Variants in HMCN1 observed in about 807,000 individuals in gnomAD.
HMCN1 encodes the protein hemicentin-1.
A neutral mutation model predicts 625.9 loss-of-function variants in HMCN1; 321 were observed. The observed-to-expected ratio is 0.51, with a 90% CI of 0.47 to 0.56. The LOEUF (loss-of-function observed/expected upper bound fraction) is 0.56, where lower values mean the gene tolerates loss of function less well. Among genes scored for constraint, HMCN1 ranks in the 20% least tolerant of loss-of-function variants. The pLI is 0.00. For missense variants in HMCN1, 6,588 were observed against 6,887.3 expected (o/e 0.96, Z 1.54); for synonymous variants, 2,425 against 2,417.6 (o/e 1.00, Z -0.09).
intron 81 of HMCN1, 81 bp downstream of exon 81, chr1:186,123,301 G>A: frequency 1.3e-6 from 2 of 1,520,086 alleles, no homozygotes; most frequent in South Asian, 1.2e-5. Context: ...AAATCTGATG[G>A]AAGTCAAAAA....
chr1:185,777,484 G>A (rs781602933), intron 1 of HMCN1, among the ~76,000 whole-genome samples: 3 of 150,882 alleles, frequency 2.0e-5, no homozygotes, highest in South Asian at 2.1e-4. Flanking sequence ...ATGGAGTCTC[G>A]CTCTGTCGCC....
At chr1:186,173,790 T>G (rs575216254) in intron 102 of HMCN1, among the ~76,000 whole-genome samples, 1 of 152,226 alleles carries the variant, frequency 6.6e-6, no homozygotes, top group South Asian at 2.1e-4. Context: ...ATCAGAAACT[T>G]TTTAAGAAGC....
rs1258284562 is a variant in HMCN1, at chr1:186,007,223, A to G, written c.4571A>G (p.Gln1524Arg). 1 of 1,613,714 alleles carries G rather than the reference A, an allele frequency of 6.2e-7. No homozygotes were observed. Among genetic ancestry groups the G allele is most frequent in the Non-Finnish European group, 8.5e-7 (1 of 1,179,688 alleles). Residue 1524 changes from glutamine (Q) to arginine (R), a missense_variant, in exon 30 of 107, where the codon CAA becomes CGA. This residue lies in a region of HMCN1 where 4,628 missense variants were observed against 4,853.1 expected (regional missense o/e 0.95). Coordinates refer to ENST00000271588, the MANE Select transcript of HMCN1 (RefSeq NM_031935.3). ...NARRNDKGRY[Q>R]CTVSNAAGKQ... ...CGGAGAAATGACAAGGGGCGCTACC[A>G]ATGTACTGTGTCTAATGCAGCTGGC...
intron 86 of HMCN1, among the ~76,000 whole-genome samples, chr1:186,132,701 G>GGTTA (rs1199452137): frequency 6.6e-6 from 1 of 151,592 alleles, no homozygotes; most frequent in Non-Finnish European, 1.5e-5. Context: ...ACAACGTGCA[G>GGTTA]GTTAGTTACA....
chr1:185,786,622 G>A (rs1407429), intron 1 of HMCN1, among the ~76,000 whole-genome samples: 52,584 of 152,002 alleles, frequency 0.35, 10,493 homozygotes, highest in African/African-American at 0.54. Context: ...AGCTGCAAAT[G>A]CCCTCTTAAA....
intron 19 of HMCN1, among the ~76,000 whole-genome samples, chr1:185,985,902 T>C (rs1397186401): frequency 6.6e-6 from 1 of 152,206 alleles, no homozygotes; most frequent in Non-Finnish European, 1.5e-5. Context: ...TTAATTGTCA[T>C]ATTGGTTTAT....
At chr1:186,035,884 G>A (rs1335942836) in intron 36 of HMCN1, among the ~76,000 whole-genome samples, 1 of 151,946 alleles carries the variant, frequency 6.6e-6, no homozygotes, top group Non-Finnish European at 1.5e-5. Flanking sequence ...ATCTGCATGG[G>A]TACTTTTATT....
At chr1:185,818,559 A>T (rs893009053) in intron 1 of HMCN1, among the ~76,000 whole-genome samples, 1 of 152,196 alleles carries the variant, frequency 6.6e-6, no homozygotes, top group Non-Finnish European at 1.5e-5. Flanking sequence ...AACTGAATAT[A>T]GTTAATTCTT....
At chr1:185,799,195 T>C (rs1020763179) in intron 1 of HMCN1, among the ~76,000 whole-genome samples, 4 of 152,210 alleles carry the variant, frequency 2.6e-5, no homozygotes, top group Non-Finnish European at 5.9e-5. Flanking sequence ...GTAGTTGGGA[T>C]ATACTCTGCA....
intron 4 of HMCN1, among the ~76,000 whole-genome samples, chr1:185,869,531 GAGT>G (rs1663476589): frequency 1.3e-5 from 2 of 152,028 alleles, no homozygotes; most frequent in African/African-American, 4.8e-5. Context: ...AAATAAATCT[GAGT>G]AGAAGAATCC....
chr1:186,106,226 T>A (rs901282147), intron 69 of HMCN1, among the ~76,000 whole-genome samples: 4 of 152,194 alleles, frequency 2.6e-5, no homozygotes, highest in African/African-American at 9.6e-5. Context: ...ACCCTCTACA[T>A]GTACACGATC....
At chr1:185,892,601 G>A (rs1665183515) in intron 4 of HMCN1, among the ~76,000 whole-genome samples, 1 of 152,136 alleles carries the variant, frequency 6.6e-6, no homozygotes, top group Non-Finnish European at 1.5e-5. Flanking sequence ...CTGCTGGAGG[G>A]TGCCTCCCAG....
Position 185,828,178 on chromosome 1 carries a change from T to C in HMCN1, c.269-17848T>C. 1.3e-5 allele frequency among the ~76,000 whole-genome samples: 2 copies of C among 152,076 alleles called. 1 individual carries two copies. Among genetic ancestry groups the C allele is most frequent in the Non-Finnish European group, 2.9e-5 (2 of 67,980 alleles). On this transcript the variant is annotated intron_variant, in intron 1 of 106. Coordinates refer to ENST00000271588, the MANE Select transcript of HMCN1 (RefSeq NM_031935.3). Reference sequence around the variant, plus strand: ...CAATTCTTTGACTAAGACTAAAATATGGGGATTAGGGTAACAGAACAGACT... The same window carrying C: ...CAATTCTTTGACTAAGACTAAAATACGGGGATTAGGGTAACAGAACAGACT...
At chr1:186,138,914 A>G (rs1197298453) in intron 89 of HMCN1, among the ~76,000 whole-genome samples, 1 of 152,162 alleles carries the variant, frequency 6.6e-6, no homozygotes, top group Admixed American at 6.5e-5. Flanking sequence ...TCATCCAACA[A>G]ATATTTACTG....
At chr1:185,771,980 G>T (rs74901659) in intron 1 of HMCN1, among the ~76,000 whole-genome samples, 7 of 152,176 alleles carry the variant, frequency 4.6e-5, no homozygotes, top group Non-Finnish European at 1.0e-4. Flanking sequence ...GAAATAATGC[G>T]TGAGAAGTTT....
intron 46 of HMCN1, among the ~76,000 whole-genome samples, chr1:186,060,886 ATCTGATCACAGGTGTCTT>A (rs547693403): frequency 6.7e-4 from 102 of 152,242 alleles, no homozygotes; most frequent in African/African-American, 2.3e-3. Context: ...TTTCCTAACC[ATCTGATCACAGGTGTCTT>A]TCTAAGCACG....
chr1:185,840,873 G>GA (rs1172453738), intron 1 of HMCN1, among the ~76,000 whole-genome samples: 2 of 151,996 alleles, frequency 1.3e-5, no homozygotes, highest in African/African-American at 2.4e-5. Flanking sequence ...AAAGAACAAA[G>GA]AAATTGGGAA....
chr1:186,069,273 G>A (rs1313639017), intron 50 of HMCN1, among the ~76,000 whole-genome samples: 2 of 152,134 alleles, frequency 1.3e-5, no homozygotes, highest in African/African-American at 4.8e-5. Context: ...AAGAAGGATA[G>A]GACCAAAATA....
In HMCN1 at chr1:186,074,911, G is replaced by A. The variant is rs777344365; in HGVS notation, c.8290+20G>A. On this transcript the variant is annotated intron_variant, in intron 53 of 106. Transcript: ENST00000271588. ...TTCAAGGTAATACTAATTGCTTATT[G>A]TATATAATGTAATTTATATGATCTT... is the stretch of plus-strand genomic sequence containing the variant. The A allele has an allele frequency of 7.7e-6, 12 of 1,556,468 alleles. No homozygotes were observed. In the African/African-American group the frequency reaches 1.6e-4, roughly 21 times the overall value.
Sources: allele counts gnomAD v4.1 joint callset (sites outside exome capture counted in the v4.1 genomes callset), GRCh38; gene constraint gnomAD v4.1.1; regional missense constraint gnomAD v4.1.1; transcripts MANE v1.5; gene names NCBI Gene and HGNC (gene_info 2026-07-23, HGNC 2026-07-21).